Variants in GRIP1 observed in about 807,000 individuals in gnomAD.
GRIP1 encodes glutamate receptor-interacting protein 1.
GRIP1 carries 45 observed loss-of-function variants against 129.9 expected under a neutral mutation model. The ratio of observed to expected loss-of-function variants is 0.35; its 90% CI spans 0.27 to 0.44. The LOEUF (loss-of-function observed/expected upper bound fraction) is 0.44. Among genes scored for constraint, GRIP1 ranks in the 20% least tolerant of loss-of-function variants. GRIP1 has a pLI of 1.00. For missense variants in GRIP1, 1,196 were observed against 1,396.8 expected (o/e 0.86, Z 2.29); for synonymous variants, 530 against 520.8 (o/e 1.02, Z -0.24).
At chr12:66,525,269 C>T (rs1036444688) in intron 5 of GRIP1, among the ~76,000 whole-genome samples, 1 of 152,040 alleles carries the variant, frequency 6.6e-6, no homozygotes, top group Non-Finnish European at 1.5e-5. Context: ...AACATTGATG[C>T]AAAAATCCTC....
chr12:66,354,635 A>G (rs544681835), intron 23 of GRIP1, among the ~76,000 whole-genome samples: 1 of 152,346 alleles, frequency 6.6e-6, no homozygotes, highest in Non-Finnish European at 1.5e-5. Flanking sequence ...AATTATATAT[A>G]TATATTTGTT....
At chr12:66,999,084 C>A (rs570180418) in intron 1 of GRIP1, among the ~76,000 whole-genome samples, 2 of 152,074 alleles carry the variant, frequency 1.3e-5, no homozygotes, top group African/African-American at 4.8e-5. Flanking sequence ...CAGACATTTT[C>A]TTCATAACAA....
intron 1 of GRIP1, among the ~76,000 whole-genome samples, chr12:66,639,843 G>A (rs1232327874): frequency 1.3e-5 from 2 of 152,202 alleles, no homozygotes; most frequent in South Asian, 2.1e-4. Flanking sequence ...GCAACTGGAT[G>A]AATTTAGTAC....
chr12:66,516,694 C>T (rs1027159956), intron 6 of GRIP1, among the ~76,000 whole-genome samples: 2 of 152,124 alleles, frequency 1.3e-5, no homozygotes, highest in African/African-American at 4.8e-5. Flanking sequence ...TAATTTGCTT[C>T]AGGAAGAGTG....
chr12:66,637,689 T>C (rs117126985), intron 1 of GRIP1, among the ~76,000 whole-genome samples: 1,574 of 152,246 alleles, frequency 0.01, 9 homozygotes, highest in Admixed American at 0.016. Flanking sequence ...CAATTTTCCA[T>C]AAAGACTGCA....
chr12:66,517,855 T>C (rs764612960), intron 6 of GRIP1, 46 bp downstream of exon 6: 1 of 993,506 alleles, frequency 1.0e-6, no homozygotes, highest in East Asian at 2.4e-5. Flanking sequence ...AGTCCCCAGC[T>C]TTATTTATTC....
chr12:66,908,832 C>T (rs2137302638), intron 1 of GRIP1, among the ~76,000 whole-genome samples: 1 of 152,238 alleles, frequency 6.6e-6, no homozygotes, highest in Admixed American at 6.5e-5. Flanking sequence ...AGCAAGATGT[C>T]TGCCTGGAGA....
intron 1 of GRIP1, among the ~76,000 whole-genome samples, chr12:67,001,165 T>C (rs1051346853): frequency 1.3e-5 from 2 of 152,220 alleles, no homozygotes; most frequent in Admixed American, 1.3e-4. Context: ...ATACTAGCTC[T>C]GGTCCTACCA....
chr12:66,477,165 G>A (rs1226273946), intron 7 of GRIP1, among the ~76,000 whole-genome samples: 1 of 152,124 alleles, frequency 6.6e-6, no homozygotes, highest in Non-Finnish European at 1.5e-5. Flanking sequence ...AAGCTGATAA[G>A]CAACTTCAGC....
intron 1 of GRIP1, among the ~76,000 whole-genome samples, chr12:66,630,694 T>G (rs982529599): frequency 3.3e-5 from 5 of 152,140 alleles, no homozygotes; most frequent in Admixed American, 3.3e-4. Context: ...CTCAGAGTGG[T>G]TCAGTTACTC....
intron 7 of GRIP1, among the ~76,000 whole-genome samples, chr12:66,514,402 A>T (rs1218817686): frequency 6.6e-6 from 1 of 152,180 alleles, no homozygotes; most frequent in African/African-American, 2.4e-5. Flanking sequence ...TCCCCATTTG[A>T]CAAATAAGGC....
At chr12:66,989,646 G>A (rs2042365340) in intron 1 of GRIP1, among the ~76,000 whole-genome samples, 1 of 152,088 alleles carries the variant, frequency 6.6e-6, no homozygotes, top group Non-Finnish European at 1.5e-5. Flanking sequence ...ACCAAATATG[G>A]TCAGATTAAT....
At chr12:66,599,544 C>T (rs1038964139) in intron 1 of GRIP1, among the ~76,000 whole-genome samples, 5 of 152,122 alleles carry the variant, frequency 3.3e-5, no homozygotes, top group East Asian at 1.9e-4. Flanking sequence ...GCTCTCTTGA[C>T]GTGATTTACT....
At chr12:66,495,029 G>A (rs756802974) in intron 7 of GRIP1, among the ~76,000 whole-genome samples, 6 of 152,194 alleles carry the variant, frequency 3.9e-5, no homozygotes, top group East Asian at 1.9e-4. Context: ...TACCTTGTAC[G>A]ATGCTTGTCG....
At chr12:66,920,925 C>T (rs1183537427) in intron 1 of GRIP1, among the ~76,000 whole-genome samples, 1 of 152,174 alleles carries the variant, frequency 6.6e-6, no homozygotes, top group Non-Finnish European at 1.5e-5. Flanking sequence ...GATCTTCTGG[C>T]AAATTGTAAC....
intron 7 of GRIP1, among the ~76,000 whole-genome samples, chr12:66,476,231 T>G (rs925695777): frequency 2.0e-5 from 3 of 152,132 alleles, no homozygotes; most frequent in East Asian, 1.9e-4. Flanking sequence ...GAGAATACTA[T>G]AAACACCTCT....
chr12:66,677,328 TA>T (rs2034382768), intron 1 of GRIP1, among the ~76,000 whole-genome samples: 1 of 152,056 alleles, frequency 6.6e-6, no homozygotes, highest in Non-Finnish European at 1.5e-5. Context: ...GTAGTACTTA[TA>T]AAAGAACTGA....
intron 2 of GRIP1, among the ~76,000 whole-genome samples, chr12:66,593,113 T>TA (rs1327260320): frequency 6.6e-6 from 1 of 152,162 alleles, no homozygotes; most frequent in Non-Finnish European, 1.5e-5. Context: ...TATGGAAAAC[T>TA]AAAAAATCCT....
At chr12:66,691,204 T>C (rs936810644) in intron 1 of GRIP1, among the ~76,000 whole-genome samples, 1 of 152,298 alleles carries the variant, frequency 6.6e-6, no homozygotes. Context: ...AAACCTTATT[T>C]GTCACTTCTC....
Sources: gnomAD v4.1 joint callset for allele counts (sites outside exome capture counted in the v4.1 genomes callset) on GRCh38, gnomAD v4.1.1 for gene constraint, MANE v1.5 for transcripts, NCBI Gene and HGNC (gene_info 2026-07-23, HGNC 2026-07-21) for gene names.